SUCLA2: variants seen among roughly 807,000 people sequenced by gnomAD.
The protein encoded by SUCLA2 is succinate--CoA ligase [ADP-forming] subunit beta, mitochondrial.
A neutral mutation model predicts 54.8 loss-of-function variants in SUCLA2; 30 were observed. That is an observed-to-expected ratio of 0.55 (90% confidence interval 0.41 to 0.74). SUCLA2 has a LOEUF of 0.74. Ranked by LOEUF, SUCLA2 falls within the 30% of genes least tolerant of loss-of-function variation. The pLI is 0.00. For synonymous variants in SUCLA2, 172 were observed against 188.9 expected (o/e 0.91, Z 0.74); for missense variants, 476 against 562.9 (o/e 0.85, Z 1.56).
At chr13:47,955,637 G>A (rs1316348041) in intron 6 of SUCLA2, among the ~76,000 whole-genome samples, 3 of 151,958 alleles carry the variant, frequency 2.0e-5, no homozygotes, top group African/African-American at 7.3e-5. Context: ...GATCCATAAA[G>A]CCTAAAATAC....
At chr13:47,978,616 A>C (rs1164299073) in intron 4 of SUCLA2, among the ~76,000 whole-genome samples, 2 of 152,212 alleles carry the variant, frequency 1.3e-5, no homozygotes, top group African/African-American at 4.8e-5. Context: ...CAAGGACTTC[A>C]TGATGACGAA....
At chr13:47,990,490 A>G in intron 2 of SUCLA2, among the ~76,000 whole-genome samples, 1 of 152,156 alleles carries the variant, frequency 6.6e-6, no homozygotes, top group Admixed American at 6.5e-5. Flanking sequence ...TTAGAAAGGC[A>G]TTCTCTGTGT....
chr13:47,952,736 T>A (rs1040238508), intron 8 of SUCLA2, among the ~76,000 whole-genome samples: 4 of 151,898 alleles, frequency 2.6e-5, no homozygotes, highest in Non-Finnish European at 4.4e-5. Flanking sequence ...GGGTAGGGAG[T>A]TAAAATCCAA....
At chr13:47,953,175 C>T (rs765809) in intron 8 of SUCLA2, among the ~76,000 whole-genome samples, 110,849 of 152,002 alleles carry the variant, frequency 0.73, 41,379 homozygotes, top group Non-Finnish European at 0.82. Flanking sequence ...CCAACTCTGA[C>T]GCCCATCATG....
chr13:47,943,623 C>A (rs1309726451), intron 10 of SUCLA2, among the ~76,000 whole-genome samples, 178 bp from the exon 11 acceptor site: 1 of 151,992 alleles, frequency 6.6e-6, no homozygotes, highest in Non-Finnish European at 1.5e-5. Flanking sequence ...TCAAGTCTGA[C>A]ACTCCTCATA....
At chr13:47,979,774 T>C (rs1185045922) in intron 4 of SUCLA2, among the ~76,000 whole-genome samples, 1 of 152,090 alleles carries the variant, frequency 6.6e-6, no homozygotes, top group Non-Finnish European at 1.5e-5. Flanking sequence ...CTAGATGTCC[T>C]AGACACAGAA....
rs367955429 is a variant in SUCLA2 at position 47,949,752 on chromosome 13, T to C, written c.1108-149A>G. 80 of 787,470 alleles carry C rather than the reference T, an allele frequency of 1.0e-4. No individual in the cohort carries two copies. The East Asian group carries it at 2.0e-3, about 20-fold the overall frequency. 48.8% of individuals were successfully genotyped at this position (787,470 alleles called of 1,614,324 possible). A position where few individuals can be genotyped will look rare whatever the true frequency, so the allele number is the denominator to read the frequency against. On this transcript the variant is annotated intron_variant, in intron 8 of 10. Transcript: ENST00000646932. ...CACAATACCCTCTTCTAGCTCTCTT[T>C]ATTGAAGTCTATGTAGTCCACTGCC...
At chr13:47,988,508 T>A (rs745445193) in intron 4 of SUCLA2, 33 bp downstream of exon 4, 1 of 1,609,298 alleles carries the variant, frequency 6.2e-7, no homozygotes, top group East Asian at 2.2e-5. Flanking sequence ...GTCATAAATT[T>A]ATCCCGTATG....
intron 5 of SUCLA2, chr13:47,971,645 C>G (rs935641880): frequency 2.8e-6 from 1 of 358,314 alleles, no homozygotes; most frequent in African/African-American, 2.1e-5. Flanking sequence ...TGAACACATA[C>G]AAATTGAAAG....
At chr13:47,967,792 C>T (rs1949931324) in intron 6 of SUCLA2, among the ~76,000 whole-genome samples, 1 of 150,654 alleles carries the variant, frequency 6.6e-6, no homozygotes, top group Non-Finnish European at 1.5e-5. Context: ...GGCAGTGAAC[C>T]CAGATCACGC....
At chr13:47,989,514 G>C (rs965546146) in intron 2 of SUCLA2, among the ~76,000 whole-genome samples, 5 of 151,140 alleles carry the variant, frequency 3.3e-5, no homozygotes, top group African/African-American at 1.2e-4. Context: ...GGGATTACAG[G>C]CATGAGCCAC....
intron 6 of SUCLA2, chr13:47,965,547 A>G (rs1244247715): frequency 7.5e-6 from 3 of 397,902 alleles, no homozygotes; most frequent in Non-Finnish European, 8.9e-6. Flanking sequence ...AACAGGAACA[A>G]CAAAAAATAA....
At chr13:47,951,581 C>T (rs1490088949) in intron 8 of SUCLA2, among the ~76,000 whole-genome samples, 1 of 152,208 alleles carries the variant, frequency 6.6e-6, no homozygotes, top group Non-Finnish European at 1.5e-5. Context: ...ACTGGAAACA[C>T]TAGCATAACC....
chr13:47,967,558 C>A (rs1427762758), intron 6 of SUCLA2, among the ~76,000 whole-genome samples: 2 of 151,984 alleles, frequency 1.3e-5, no homozygotes, highest in African/African-American at 4.8e-5. Context: ...TAATGGAACT[C>A]GGCTGGGCGC....
Position 47,943,180 on chromosome 13 carries a change from C to T in SUCLA2, c.*191G>A. 3.2e-6 allele frequency: 2 copies of T among 627,890 alleles called. No homozygotes were observed. The highest frequency in any genetic ancestry group is 5.7e-6 in the Non-Finnish European group (2 of 350,092). 38.9% of individuals were successfully genotyped at this position (627,890 alleles called of 1,614,324 possible). On this transcript the variant is annotated 3_prime_UTR_variant, in exon 11 of 11. Coordinates refer to ENST00000646932, the MANE Select transcript of SUCLA2 (RefSeq NM_003850.3). The stretch of plus-strand genomic sequence containing the variant: ...AAAGAAAGAAGATAACTGCATTATA[C>T]ATGCTTCGTACAAACAGTCCATTCT...
chr13:47,982,128 T>C (rs1950064965), intron 4 of SUCLA2, among the ~76,000 whole-genome samples: 1 of 152,200 alleles, frequency 6.6e-6, no homozygotes, highest in African/African-American at 2.4e-5. Context: ...AAACAGGATC[T>C]CAAAGAAATA....
At chr13:47,978,557 A>G (rs919368217) in intron 4 of SUCLA2, among the ~76,000 whole-genome samples, 7 of 152,268 alleles carry the variant, frequency 4.6e-5, no homozygotes, top group African/African-American at 1.7e-4. Flanking sequence ...AAAACCATAA[A>G]AACCCTAGAA....
chr13:47,986,041 T>C (rs1950101204), intron 4 of SUCLA2, among the ~76,000 whole-genome samples: 1 of 150,382 alleles, frequency 6.6e-6, no homozygotes, highest in South Asian at 2.1e-4. Flanking sequence ...TTTTTTTTTT[T>C]TTTTTTTGAA....
intron 9 of SUCLA2, among the ~76,000 whole-genome samples, 181 bp downstream of exon 9, chr13:47,949,302 C>T (rs1275781628): frequency 6.6e-6 from 1 of 152,050 alleles, no homozygotes; most frequent in African/African-American, 2.4e-5. Context: ...TTATACCAAG[C>T]AAAAGTATAA....
Sources: gnomAD v4.1 joint callset for allele counts (sites outside exome capture counted in the v4.1 genomes callset) on GRCh38, gnomAD v4.1.1 for gene constraint, MANE v1.5 for transcripts, NCBI Gene and HGNC (gene_info 2026-07-23, HGNC 2026-07-21) for gene names.